Variants in ADAM32 observed in about 807,000 individuals in gnomAD.
The protein encoded by ADAM32 is ADAM metallopeptidase domain 32, also known as disintegrin and metalloproteinase domain-containing protein 32.
A neutral mutation model predicts 114.9 loss-of-function variants in ADAM32; 89 were observed. The ratio of observed to expected loss-of-function variants is 0.77; its 90% CI spans 0.65 to 0.92. The LOEUF (loss-of-function observed/expected upper bound fraction) is 0.92, where lower values mean the gene tolerates loss of function less well. ADAM32 is among the 40% of genes least tolerant of loss of function. The pLI is 0.00. For synonymous variants in ADAM32, 285 were observed against 307.5 expected (o/e 0.93, Z 0.77); for missense variants, 870 against 932.8 (o/e 0.93, Z 0.88).
At chr8:39,259,141 C>T (rs1811849843) in intron 19 of ADAM32, among the ~76,000 whole-genome samples, 1 of 151,654 alleles carries the variant, frequency 6.6e-6, no homozygotes, top group Admixed American at 6.6e-5. Flanking sequence ...TACTTTTTTC[C>T]TATTTACCAT....
At chr8:39,279,430 C>T (rs145841134) in intron 22 of ADAM32, among the ~76,000 whole-genome samples, 3,407 of 152,240 alleles carry the variant, frequency 0.022, 66 homozygotes, top group Admixed American at 0.032. Flanking sequence ...CTTACAGGCA[C>T]CTGCCACCAC....
chr8:39,221,536 C>A (rs146642622), intron 12 of ADAM32, 74 bp from the exon 13 acceptor site: 1 of 1,182,604 alleles, frequency 8.5e-7, no homozygotes, highest in Non-Finnish European at 1.2e-6. Flanking sequence ...GTAAGCCCAT[C>A]AAAATATAAC....
chr8:39,211,575 T>C lies in ADAM32; in HGVS notation c.1233+251T>C, dbSNP rs1808226938. 2.6e-5 allele frequency among the ~76,000 whole-genome samples: 4 copies of C among 152,168 alleles called. No homozygotes were observed. In the South Asian group the frequency reaches 8.3e-4, roughly 32 times the overall value. On this transcript the variant is annotated intron_variant, in intron 12 of 24. Transcript: ENST00000379907. ...GAGAGTCTAGAATAAGCTTTTGAGT[T>C]TCAGACTAAATATATAGGGTTCTTT...
intron 15 of ADAM32, 79 bp downstream of exon 15, chr8:39,232,214 C>T: frequency 2.6e-6 from 3 of 1,153,178 alleles, no homozygotes; most frequent in Non-Finnish European, 3.7e-6. Context: ...CTGTGTCATT[C>T]ATTCCAGTGG....
chr8:39,270,828 G>A (rs1237066130), intron 19 of ADAM32, 48 bp from the exon 20 acceptor site: 1 of 1,468,866 alleles, frequency 6.8e-7, no homozygotes. Flanking sequence ...TCATGAAGTT[G>A]GCAAGTTTTC....
intron 10 of ADAM32, among the ~76,000 whole-genome samples, chr8:39,180,851 A>G (rs1805830269): frequency 6.6e-6 from 1 of 152,150 alleles, no homozygotes; most frequent in East Asian, 1.9e-4. Flanking sequence ...TAAACACGCC[A>G]ATCAGCACCC....
At chr8:39,193,768 G>A (rs1806756409) in intron 11 of ADAM32, among the ~76,000 whole-genome samples, 1 of 152,182 alleles carries the variant, frequency 6.6e-6, no homozygotes, top group Non-Finnish European at 1.5e-5. Flanking sequence ...AGGGGGCCAA[G>A]GCTAGGCTCA....
At chr8:39,227,826 C>T (rs868265877) in intron 14 of ADAM32, among the ~76,000 whole-genome samples, 8 of 152,180 alleles carry the variant, frequency 5.3e-5, no homozygotes, top group Middle Eastern at 3.2e-3. Flanking sequence ...CATACTACCA[C>T]AGCTGATGCT....
chr8:39,213,960 C>A (rs1424311744), intron 12 of ADAM32, among the ~76,000 whole-genome samples: 2 of 152,072 alleles, frequency 1.3e-5, no homozygotes, highest in Non-Finnish European at 2.9e-5. Flanking sequence ...CTCTGCCTGG[C>A]TTATTTCACT....
At chr8:39,173,617 A>G (rs193097105) in intron 10 of ADAM32, among the ~76,000 whole-genome samples, 20 of 152,224 alleles carry the variant, frequency 1.3e-4, no homozygotes, top group East Asian at 3.9e-4. Context: ...TAAGTTGTCT[A>G]TTCACTCAGA....
chr8:39,158,001 G>A (rs28695458), intron 6 of ADAM32: 77,675 of 295,348 alleles, frequency 0.26, 11,533 homozygotes, highest in East Asian at 0.54. Flanking sequence ...AGTGGGTCTT[G>A]TAGGGCAGCT....
chr8:39,191,696 A>G (rs1367144329), intron 11 of ADAM32, among the ~76,000 whole-genome samples: 2 of 151,942 alleles, frequency 1.3e-5, no homozygotes, highest in Non-Finnish European at 2.9e-5. Context: ...CTGTTCTGTA[A>G]GCTGTTTGTT....
At position 39,270,868 on chromosome 8, in the gene ADAM32, C is replaced by T. The variant is rs4733994; in HGVS notation, c.2163-8C>T. 375,319 of 1,599,956 alleles carry T rather than the reference C, an allele frequency of 0.23. 44,997 individuals carry two copies. Among genetic ancestry groups the T allele is most frequent in the East Asian group, 0.28 (12,322 of 44,516 alleles). ...TACTAACATGAGACATTTTCAATTT[C>T]TTTTTAGATCTAAATCGGAAGGTAG... On this transcript the variant is annotated splice_region_variant and splice_polypyrimidine_tract_variant and intron_variant, in intron 19 of 24. Coordinates refer to ENST00000379907, the MANE Select transcript of ADAM32 (RefSeq NM_145004.7).
Position 39,112,168 on chromosome 8 carries a change from C to T in ADAM32, c.58+4335C>T, listed in dbSNP as rs534217216. ...GACTATGTTTAACAGTTTGATGGTA[C>T]TCTTCTGGACTTTTCTCTAGACACT... On this transcript the variant is annotated intron_variant, in intron 1 of 24. Transcript: ENST00000379907. Among the ~76,000 whole-genome samples, 5 of 152,220 alleles carry T rather than the reference C, an allele frequency of 3.3e-5. No individual in the cohort carries two copies. In the East Asian group the frequency reaches 7.7e-4, roughly 23 times the overall value.
At chr8:39,198,596 T>A (rs894396710) in intron 11 of ADAM32, among the ~76,000 whole-genome samples, 1 of 152,238 alleles carries the variant, frequency 6.6e-6, no homozygotes, top group Non-Finnish European at 1.5e-5. Flanking sequence ...TATGCTGGTC[T>A]CGAACTCCTG....
At chr8:39,107,693 GC>G (rs1839980014), upstream of ADAM32, 3 of 1,543,238 alleles carry the variant, frequency 1.9e-6, no homozygotes, top group South Asian at 1.2e-5. Context: ...GCGGGGAGCG[GC>G]CCCCGGCGTC....
chr8:39,136,251 C>T (rs1297598177), intron 2 of ADAM32, among the ~76,000 whole-genome samples: 1 of 152,134 alleles, frequency 6.6e-6, no homozygotes, highest in African/African-American at 2.4e-5. Context: ...GACAATACAT[C>T]TTAGGAGGGT....
At chr8:39,167,992 A>T (rs989783018) in intron 9 of ADAM32, 1 of 152,122 alleles carries the variant, frequency 6.6e-6, no homozygotes, top group African/African-American at 2.4e-5. Context: ...CAAACGTGAC[A>T]GTTTGACTTC....
chr8:39,162,372 G>A (rs1468199184), intron 7 of ADAM32, among the ~76,000 whole-genome samples: 1 of 151,908 alleles, frequency 6.6e-6, no homozygotes, highest in Non-Finnish European at 1.5e-5. Flanking sequence ...AGTATTCCAT[G>A]GTGTATATGT....
Sources: gnomAD v4.1 joint callset for allele counts (sites outside exome capture counted in the v4.1 genomes callset) on GRCh38, gnomAD v4.1.1 for gene constraint, MANE v1.5 for transcripts, NCBI Gene and HGNC (gene_info 2026-07-23, HGNC 2026-07-21) for gene names.